KLHL2: variants seen among roughly 807,000 people sequenced by gnomAD.
KLHL2 encodes the protein kelch like family member 2, also known as kelch-like protein 2.
A neutral mutation model predicts 75.8 loss-of-function variants in KLHL2; 15 were observed. The ratio of observed to expected loss-of-function variants is 0.20; its 90% confidence interval spans 0.13 to 0.30. The LOEUF is 0.30. Among genes scored for constraint, KLHL2 ranks in the 10% least tolerant of loss-of-function variants. The pLI is 1.00. For synonymous variants in KLHL2, 214 were observed against 251.9 expected (o/e 0.85, Z 1.42); for missense variants, 381 against 741.0 (o/e 0.51, Z 5.64).
In KLHL2 at chr4:165,305,614, G is replaced by C; in HGVS notation, c.928G>C (p.Val310Leu). ...TACATTTCTGCCCTTGTAGTTGATGGTGGTGGTTGGGGGCCAAGCACCAAA... is the reference window on the plus strand; with the variant it reads ...TACATTTCTGCCCTTGTAGTTGATGCTGGTGGTTGGGGGCCAAGCACCAAA... ...RTPMNLPKLM[V>L]VVGGQAPKAI... Residue 310 changes from valine (V) to leucine (L), a missense_variant, in exon 9 of 15, where the codon GTG becomes CTG. Transcript: ENST00000226725. 1 of 1,612,560 alleles carries C rather than the reference G, an allele frequency of 6.2e-7. No homozygotes were observed.
At chr4:165,224,807 G>A (rs1360309399) in intron 2 of KLHL2, among the ~76,000 whole-genome samples, 3 of 152,140 alleles carry the variant, frequency 2.0e-5, no homozygotes, top group Non-Finnish European at 2.9e-5. Flanking sequence ...TAGAGTAAAT[G>A]GGATATCCAT....
chr4:165,304,287 G>T (rs1745567291), intron 8 of KLHL2, among the ~76,000 whole-genome samples: 1 of 152,058 alleles, frequency 6.6e-6, no homozygotes, highest in Admixed American at 6.6e-5. Flanking sequence ...AACTAAAATG[G>T]GCTTCTTTTT....
chr4:165,314,223 G>A, intron 13 of KLHL2, 57 bp downstream of exon 13: 2 of 1,434,850 alleles, frequency 1.4e-6, no homozygotes, highest in Non-Finnish European at 1.9e-6. Flanking sequence ...AAGTTTCACT[G>A]GTATCACTCT....
chr4:165,213,473 C>T (rs1037049074), intron 1 of KLHL2, among the ~76,000 whole-genome samples: 3 of 152,244 alleles, frequency 2.0e-5, no homozygotes, highest in African/African-American at 7.2e-5. Flanking sequence ...TCTTCTCTCC[C>T]CTGTTACAAC....
chr4:165,305,856 G>C (rs1745689300), intron 9 of KLHL2, 131 bp downstream of exon 9: 1 of 653,336 alleles, frequency 1.5e-6, no homozygotes, highest in East Asian at 2.6e-5. Flanking sequence ...TAGTTAAACA[G>C]TAATTCAGGG....
At chr4:165,231,728 C>T (rs1738910186) in intron 3 of KLHL2, among the ~76,000 whole-genome samples, 1 of 152,092 alleles carries the variant, frequency 6.6e-6, no homozygotes. Context: ...TATTCATGTG[C>T]AGTTCTTTGT....
intron 1 of KLHL2, among the ~76,000 whole-genome samples, chr4:165,217,164 T>G (rs1206079360): frequency 6.6e-6 from 1 of 152,234 alleles, no homozygotes; most frequent in Non-Finnish European, 1.5e-5. Flanking sequence ...CTTCCTTTGT[T>G]GCACCTTCTA....
chr4:165,321,458 C>A, intron 14 of KLHL2: 2 of 359,276 alleles, frequency 5.6e-6, no homozygotes, highest in Non-Finnish European at 1.1e-5. Flanking sequence ...ATATATAACA[C>A]ATAACATGTT....
chr4:165,299,666 G>C lies in KLHL2; in HGVS notation c.921+10G>C, dbSNP rs28695465. The C allele has an allele frequency of 6.3e-7, 1 of 1,588,888 alleles. No individual in the cohort carries two copies. Among genetic ancestry groups the C allele is most frequent in the African/African-American group, 1.4e-5 (1 of 73,872 alleles). The stretch of plus-strand genomic sequence containing the variant: ...CATGAACCTTCCCAAAGTAGGATCT[G>C]TTTCTCATGCTTGTTATTACCTCAT... On this transcript the variant is annotated intron_variant, in intron 8 of 14. Transcript: ENST00000226725.
At chr4:165,307,506 C>A (rs987520665) in intron 9 of KLHL2, among the ~76,000 whole-genome samples, 2 of 152,066 alleles carry the variant, frequency 1.3e-5, no homozygotes, top group Non-Finnish European at 2.9e-5. Context: ...TCATATTTAC[C>A]ATTTTTCCAT....
rs1414925079 is a variant in KLHL2, at chr4:165,319,829, GT to G, written c.1753+1864del. On this transcript the variant is annotated intron_variant, in intron 14 of 14. Transcript: ENST00000226725. This position sits in a 1 kb window ranked among gnomAD's most constrained non-coding sequence, Gnocchi z 4.5. ...TATTTTTATTATTTTTGACTTTTTG[GT>G]TTTGGTTTTTGGTGGGTGCAGGATT... Among the ~76,000 whole-genome samples, 1 of 151,716 alleles carries G rather than the reference GT, an allele frequency of 6.6e-6. No homozygotes were observed. The highest frequency in any genetic ancestry group is 6.6e-5 in the Admixed American group (1 of 15,218).
intron 5 of KLHL2, among the ~76,000 whole-genome samples, chr4:165,264,014 G>T (rs946304237): frequency 1.3e-5 from 2 of 151,960 alleles, no homozygotes; most frequent in Non-Finnish European, 2.9e-5. Context: ...TTTTCAAGGA[G>T]CCCTTGCTTT....
chr4:165,312,634 C>T (rs1331148959), intron 11 of KLHL2, among the ~76,000 whole-genome samples: 1 of 152,186 alleles, frequency 6.6e-6, no homozygotes. Flanking sequence ...AATCCTGCTT[C>T]CCTTGGCTCT....
intron 5 of KLHL2, among the ~76,000 whole-genome samples, chr4:165,263,805 G>GTTTTTTTTTTTTTTTTTTT (rs55901119): frequency 1.5e-5 from 1 of 66,482 alleles, no homozygotes; most frequent in East Asian, 5.8e-4. Context: ...TTTTTACATT[G>GTTTTTTTTTTTTTTTTTTT]TTTTTTTTTT....
chr4:165,260,672 C>T (rs1293296051), intron 4 of KLHL2, among the ~76,000 whole-genome samples: 1 of 151,936 alleles, frequency 6.6e-6, no homozygotes, highest in African/African-American at 2.4e-5. Context: ...TTAGTTTCCT[C>T]TTTCGTTTGA....
At chr4:165,226,734 ATTAT>A (rs1431309671) in intron 2 of KLHL2, among the ~76,000 whole-genome samples, 3 of 152,140 alleles carry the variant, frequency 2.0e-5, no homozygotes, top group Admixed American at 6.5e-5. Flanking sequence ...CAAAAAATAA[ATTAT>A]TTATTATTTA....
intron 4 of KLHL2, among the ~76,000 whole-genome samples, chr4:165,250,666 C>T (rs1423420820): frequency 2.6e-5 from 4 of 152,122 alleles, no homozygotes. Flanking sequence ...CCAGTTAAAG[C>T]TTGCAAAAAT....
In KLHL2 at chr4:165,244,223, G is replaced by C. The variant is rs773008971; in HGVS notation, c.381+5324G>C. ...AAGCCACTCCAAAGCAGCCAACTTA[G>C]TTTTCATAGAAAGAGCTCTTTTTAC... On this transcript the variant is annotated intron_variant, in intron 4 of 14. Transcript: ENST00000226725. 1.5e-3 allele frequency among the ~76,000 whole-genome samples: 221 copies of C among 152,276 alleles called. 4 individuals are homozygous for C. Among genetic ancestry groups the C allele is most frequent in the Middle Eastern group, 3.4e-3 (1 of 294 alleles).
intron 5 of KLHL2, among the ~76,000 whole-genome samples, chr4:165,289,872 GA>G (rs1163749647): frequency 6.6e-5 from 10 of 152,164 alleles, no homozygotes; most frequent in African/African-American, 2.4e-4. Context: ...TTCCCCTCAT[GA>G]AAAGCATAAG....
Sources: allele counts gnomAD v4.1 joint callset (sites outside exome capture counted in the v4.1 genomes callset), GRCh38; gene constraint gnomAD v4.1.1; non-coding constraint Gnocchi (gnomAD v3.1); transcripts MANE v1.5; gene names NCBI Gene and HGNC (gene_info 2026-07-23, HGNC 2026-07-21).